Variants in DLGAP5 observed in about 807,000 individuals in gnomAD.
DLGAP5 encodes DLG associated protein 5.
Under a neutral mutation model 99.6 loss-of-function variants are expected in DLGAP5, and 90 were observed. The ratio of observed to expected loss-of-function variants is 0.90; its 90% CI spans 0.76 to 1.08. DLGAP5 has a LOEUF of 1.08. Among genes scored for constraint, DLGAP5 ranks in the 50% least tolerant of loss-of-function variants. The pLI, the probability that DLGAP5 is intolerant of heterozygous loss-of-function variation, is 0.00. For synonymous variants in DLGAP5, 311 were observed against 321.3 expected (o/e 0.97, Z 0.34); for missense variants, 1,036 against 983.5 (o/e 1.05, Z -0.71).
In DLGAP5 at chr14:55,163,086, A is replaced by C; in HGVS notation, c.1549-11T>G. On this transcript the variant is annotated splice_polypyrimidine_tract_variant and intron_variant, in intron 12 of 18. Transcript: ENST00000247191. ...GATTACATCTTCTATCTGTTAATAA[A>C]GCACAAGTTTACCAGATTAATGCTA... 6.5e-7 allele frequency: 1 copy of C among 1,540,040 alleles called. No individual in the cohort carries two copies. Among genetic ancestry groups the C allele is most frequent in the Non-Finnish European group, 8.9e-7 (1 of 1,129,164 alleles).
intron 4 of DLGAP5, 72 bp downstream of exon 4, chr14:55,182,298 T>A (rs1883304740): frequency 7.8e-7 from 1 of 1,281,356 alleles, no homozygotes; most frequent in Admixed American, 2.0e-5. Context: ...TGATACTAGA[T>A]TTAAAATGAA....
At chr14:55,188,274 C>T (rs1325083731) in intron 2 of DLGAP5, among the ~76,000 whole-genome samples, 2 of 152,136 alleles carry the variant, frequency 1.3e-5, no homozygotes, top group African/African-American at 4.8e-5. Flanking sequence ...TCTGTAGCAT[C>T]CTTTGCCTTC....
At chr14:55,172,706 G>C (rs1019531792) in intron 10 of DLGAP5, among the ~76,000 whole-genome samples, 1 of 151,926 alleles carries the variant, frequency 6.6e-6, no homozygotes. Flanking sequence ...GCAGAGGGTC[G>C]GGCACGGTGG....
chr14:55,163,220 G>A (rs374979263), intron 12 of DLGAP5, 145 bp from the exon 13 acceptor site: 1 of 429,268 alleles, frequency 2.3e-6, no homozygotes, highest in East Asian at 3.6e-5. Context: ...TCAATTTAGT[G>A]TTCAAATAAT....
At chr14:55,190,738 A>G (rs1423623083) in intron 1 of DLGAP5, among the ~76,000 whole-genome samples, 1 of 152,198 alleles carries the variant, frequency 6.6e-6, no homozygotes, top group East Asian at 1.9e-4. Context: ...CCTGCATGCT[A>G]ATAACATTCT....
At chr14:55,184,611 T>C (rs551364259) in intron 2 of DLGAP5, among the ~76,000 whole-genome samples, 1 of 152,106 alleles carries the variant, frequency 6.6e-6, no homozygotes, top group African/African-American at 2.4e-5. Flanking sequence ...AAAACTAGGG[T>C]AGTGTTTGCC....
chr14:55,177,685 C>A (rs1263609447), intron 7 of DLGAP5, among the ~76,000 whole-genome samples: 4 of 151,648 alleles, frequency 2.6e-5, no homozygotes, highest in Non-Finnish European at 4.4e-5. Flanking sequence ...CTACAGACGC[C>A]CGCCACCACG....
chr14:55,166,879 T>TAAA (rs1334737097), intron 12 of DLGAP5, among the ~76,000 whole-genome samples: 2 of 141,422 alleles, frequency 1.4e-5, no homozygotes, highest in Non-Finnish European at 3.1e-5. Context: ...CTTTTGTGTT[T>TAAA]AAAAAAAAAA....
At chr14:55,155,911 A>G (rs1207839175) in intron 14 of DLGAP5, among the ~76,000 whole-genome samples, 1 of 150,806 alleles carries the variant, frequency 6.6e-6, no homozygotes, top group African/African-American at 2.4e-5. Flanking sequence ...ACATGGTAAA[A>G]CCCCGTCTCT....
At position 55,151,934 on chromosome 14, in the gene DLGAP5, T is replaced by A. The variant is rs374109359; in HGVS notation, c.2129A>T (p.Asn710Ile). The change falls in exon 17 of 19, where the codon AAT becomes ATT. Residue 710 changes from asparagine to isoleucine, a missense_variant. By Grantham distance (149) the Asn-to-Ile change is moderately radical. Coordinates refer to ENST00000247191, the MANE Select transcript of DLGAP5 (RefSeq NM_014750.5). Reference protein sequence around the residue: ...PDLIEENHVVNKTDLKVDCLS... With the variant: ...PDLIEENHVVIKTDLKVDCLS... ...ACAATCCACCTTCAAGTCTGTCTTA[T>A]TTACAACCTGGAAGTAAAAATGGCA... The A allele has an allele frequency of 6.2e-7, 1 of 1,609,812 alleles. No homozygotes were observed. The highest frequency in any genetic ancestry group is 8.5e-7 in the Non-Finnish European group (1 of 1,178,912).
rs1365152315 is a variant in DLGAP5, at chr14:55,158,804, A to G, written c.1654-63T>C. On this transcript the variant is annotated intron_variant, in intron 13 of 18. Transcript: ENST00000247191. Reference sequence around the variant, plus strand: ...CCATCTTACAAGAAAAACACACAACAAACACAAATTCATCACTTAAAAATT... The same window carrying G: ...CCATCTTACAAGAAAAACACACAACGAACACAAATTCATCACTTAAAAATT... 25 of 1,176,864 alleles carry G rather than the reference A, an allele frequency of 2.1e-5. No individual in the cohort carries two copies. In the East Asian group the frequency reaches 5.7e-4, roughly 27 times the overall value. 72.9% of individuals were successfully genotyped at this position (1,176,864 alleles called of 1,614,324 possible).
intron 10 of DLGAP5, 35 bp from the exon 11 acceptor site, chr14:55,170,822 G>C: frequency 6.6e-7 from 1 of 1,526,358 alleles, no homozygotes; most frequent in Non-Finnish European, 9.1e-7. Flanking sequence ...TTCTACAAGT[G>C]GTTTTTACAC....
rs1461964261 is a variant in DLGAP5 at position 55,158,659 on chromosome 14, A to C, written c.1736T>G (p.Ile579Arg). Residue 579 changes from isoleucine (I) to arginine (R), a missense_variant, in exon 14 of 19, where the codon ATA (isoleucine) becomes AGA (arginine). Physicochemically the swap from Ile to Arg is moderately conservative, Grantham distance 97. Transcript: ENST00000247191. ...RIAARNRLAA[I>R]KNAMRERIRQ... ...AATTCTCTCTCTCATTGCATTTTTTATGGCAGCTAGGCGATTTCTCGCTGC... is the reference window on the plus strand; with the variant it reads ...AATTCTCTCTCTCATTGCATTTTTTCTGGCAGCTAGGCGATTTCTCGCTGC... 4.3e-6 allele frequency: 7 copies of C among 1,613,958 alleles called. No individual in the cohort carries two copies. Among genetic ancestry groups the C allele is most frequent in the Non-Finnish European group, 5.9e-6 (7 of 1,180,002 alleles).
At chr14:55,163,885 C>A (rs7142704) in intron 12 of DLGAP5, among the ~76,000 whole-genome samples, 72,334 of 151,832 alleles carry the variant, frequency 0.48, 18,438 homozygotes, top group African/African-American at 0.66. Context: ...TCGTTTCCTT[C>A]TTGCTGGGTT....
At position 55,180,793 on chromosome 14, in the gene DLGAP5, A is replaced by G; in HGVS notation, c.581-15T>C. 3 of 1,614,014 alleles carry G rather than the reference A, an allele frequency of 1.9e-6. No homozygotes were observed. The South Asian group carries it at 3.3e-5, about 18-fold the overall frequency. The stretch of plus-strand genomic sequence containing the variant: ...AGGCTGCACAACTGTGGGAAAAAAA[A>G]ATAACTACATCAAATGTCCCTTGTA... On this transcript the variant is annotated splice_polypyrimidine_tract_variant and intron_variant, in intron 5 of 18. Coordinates refer to ENST00000247191, the MANE Select transcript of DLGAP5 (RefSeq NM_014750.5).
chr14:55,169,446 T>C lies in DLGAP5; in HGVS notation c.1501A>G (p.Thr501Ala), dbSNP rs1162976751. 1.9e-6 allele frequency: 3 copies of C among 1,610,236 alleles called. No individual in the cohort carries two copies. The highest frequency in any genetic ancestry group is 2.7e-5 in the African/African-American group (2 of 74,644). The change falls in exon 12 of 19, where the codon ACT (threonine) becomes GCT (alanine). Residue 501 changes from threonine to alanine, a missense_variant. By Grantham distance (58) the Thr-to-Ala change is moderately conservative. Coordinates refer to ENST00000247191, the MANE Select transcript of DLGAP5 (RefSeq NM_014750.5). ...AATCCATCCAGATCTGTACAGGTAG[T>C]CTCCTTTATACCTCGTTTATATTCA... Reference protein sequence around the residue: ...DCEYKRGIKETTCTDLDGFWD... With the variant: ...DCEYKRGIKEATCTDLDGFWD...
Position 55,186,063 on chromosome 14 carries a change from G to T in DLGAP5, c.239-2310C>A, listed in dbSNP as rs140121879. ...AGGTGGGCGGTTCATCTGAGGTTGG[G>T]AGTTTGAGACCAGCCTGACCAACAT... On this transcript the variant is annotated intron_variant, in intron 2 of 18. Coordinates refer to ENST00000247191, the MANE Select transcript of DLGAP5 (RefSeq NM_014750.5). Among the ~76,000 whole-genome samples, 177 of 152,264 alleles carry T rather than the reference G, an allele frequency of 1.2e-3. 1 individual carries two copies. The highest frequency in any genetic ancestry group is 4.2e-3 in the African/African-American group (173 of 41,544).
At chr14:55,173,949 G>A (rs1478287414) in intron 10 of DLGAP5, among the ~76,000 whole-genome samples, 1 of 152,110 alleles carries the variant, frequency 6.6e-6, no homozygotes, top group Non-Finnish European at 1.5e-5. Flanking sequence ...GTGTGTTTGA[G>A]CAATATGAAA....
At chr14:55,190,862 A>G (rs977212336) in intron 1 of DLGAP5, among the ~76,000 whole-genome samples, 1 of 152,242 alleles carries the variant, frequency 6.6e-6, no homozygotes, top group Admixed American at 6.5e-5. Context: ...ATTAAGACTT[A>G]TGTATTAAAT....
Sources: allele counts gnomAD v4.1 joint callset (sites outside exome capture counted in the v4.1 genomes callset), GRCh38; gene constraint gnomAD v4.1.1; transcripts MANE v1.5; gene names NCBI Gene and HGNC (gene_info 2026-07-23, HGNC 2026-07-21).